Variants in BABAM2 observed in about 807,000 individuals in gnomAD.
The protein encoded by BABAM2 is BRISC and BRCA1-A complex member 2.
In BABAM2, 31 loss-of-function variants were observed where a neutral mutation model predicts 54.7. That is an observed-to-expected ratio of 0.57 (90% CI 0.43 to 0.77). The LOEUF (loss-of-function observed/expected upper bound fraction) is 0.77, where lower values mean the gene tolerates loss of function less well. Ranked by LOEUF, BABAM2 falls within the 30% of genes least tolerant of loss-of-function variation. The pLI is 0.00. For missense variants in BABAM2, 364 were observed against 455.8 expected (o/e 0.80, Z 1.83); for synonymous variants, 167 against 162.9 (o/e 1.03, Z -0.19).
At chr2:28,155,522 ACTAAGGTGACTGAG>A (rs1339131184) in intron 7 of BABAM2, among the ~76,000 whole-genome samples, 2 of 152,134 alleles carry the variant, frequency 1.3e-5, no homozygotes, top group Non-Finnish European at 2.9e-5. Flanking sequence ...TCATCTTCAT[ACTAAGGTGACTGAG>A]CTAAAAGTGC....
chr2:28,162,502 C>T (rs1230358267), intron 7 of BABAM2, among the ~76,000 whole-genome samples: 1 of 152,230 alleles, frequency 6.6e-6, no homozygotes, highest in African/African-American at 2.4e-5. Context: ...AATGAGACTA[C>T]TGTCTGGCAT....
chr2:27,997,628 A>G (rs996211915), intron 4 of BABAM2, among the ~76,000 whole-genome samples: 1 of 152,238 alleles, frequency 6.6e-6, no homozygotes, highest in Admixed American at 6.5e-5. Flanking sequence ...CAAGGCTTTA[A>G]AAGTGCAGTT....
At chr2:28,275,213 C>T (rs147234056) in intron 10 of BABAM2, among the ~76,000 whole-genome samples, 177 of 152,318 alleles carry the variant, frequency 1.2e-3, no homozygotes, top group African/African-American at 3.7e-3. Flanking sequence ...ATGAAGCCAA[C>T]GGATCTGATG....
chr2:28,300,403 A>G (rs1275271730), intron 11 of BABAM2, among the ~76,000 whole-genome samples: 2 of 152,248 alleles, frequency 1.3e-5, no homozygotes, highest in East Asian at 3.8e-4. Flanking sequence ...CATTCAGGAC[A>G]AAAACAAGCA....
chr2:28,048,749 A>G (rs561148294), intron 6 of BABAM2, among the ~76,000 whole-genome samples: 40 of 152,296 alleles, frequency 2.6e-4, no homozygotes, highest in African/African-American at 8.9e-4. Flanking sequence ...CCCCAGCATA[A>G]AGAGGAGATT....
chr2:28,117,558 C>T (rs996425793), intron 6 of BABAM2, among the ~76,000 whole-genome samples: 2 of 152,204 alleles, frequency 1.3e-5, no homozygotes, highest in Admixed American at 6.5e-5. Context: ...GGACTCTCTC[C>T]TCTCTTGCCT....
chr2:28,201,824 A>G (rs975020774), intron 7 of BABAM2, among the ~76,000 whole-genome samples: 18 of 152,172 alleles, frequency 1.2e-4, no homozygotes, highest in Non-Finnish European at 2.9e-5. Flanking sequence ...CAGGTTGCAA[A>G]ATGAAGACAA....
At chr2:27,976,078 T>C (rs1371439718) in intron 3 of BABAM2, among the ~76,000 whole-genome samples, 5 of 152,122 alleles carry the variant, frequency 3.3e-5, no homozygotes, top group African/African-American at 1.2e-4. Flanking sequence ...GGCACGAATG[T>C]GTAGAAACTG....
chr2:27,971,696 T>G (rs1671234609), intron 3 of BABAM2, among the ~76,000 whole-genome samples: 1 of 150,682 alleles, frequency 6.6e-6, no homozygotes, highest in Admixed American at 6.6e-5. Context: ...TCCCATGTGT[T>G]TTTTTTTTTC....
intron 7 of BABAM2, among the ~76,000 whole-genome samples, chr2:28,164,311 A>G (rs1673409854): frequency 6.6e-6 from 1 of 152,002 alleles, no homozygotes; most frequent in African/African-American, 2.4e-5. Context: ...AGTTGCCCCT[A>G]CACCCCCACG....
chr2:28,093,530 G>T (rs973741713), intron 6 of BABAM2, among the ~76,000 whole-genome samples: 10 of 152,132 alleles, frequency 6.6e-5, no homozygotes, highest in Non-Finnish European at 1.2e-4. Context: ...TTCCTGCATG[G>T]CCATACCCTG....
At chr2:28,234,890 A>T (rs866660907) in intron 7 of BABAM2, among the ~76,000 whole-genome samples, 4 of 152,268 alleles carry the variant, frequency 2.6e-5, no homozygotes, top group Non-Finnish European at 4.4e-5. Flanking sequence ...TTTCCTAGCC[A>T]TCTTTAGAGT....
At chr2:27,954,365 C>T (rs1241025693) in intron 3 of BABAM2, among the ~76,000 whole-genome samples, 2 of 152,226 alleles carry the variant, frequency 1.3e-5, no homozygotes, top group Non-Finnish European at 2.9e-5. Context: ...AGGAGTGCAG[C>T]AGCACTGTGA....
chr2:28,212,895 A>G (rs1285150268), intron 7 of BABAM2, among the ~76,000 whole-genome samples: 1 of 152,170 alleles, frequency 6.6e-6, no homozygotes, highest in African/African-American at 2.4e-5. Context: ...CTACAGCCCA[A>G]GAGGCTTACC....
At chr2:28,266,434 C>CTGCA (rs1334621126) in intron 10 of BABAM2, among the ~76,000 whole-genome samples, 2 of 152,260 alleles carry the variant, frequency 1.3e-5, no homozygotes, top group African/African-American at 4.8e-5. Context: ...GGCTCAGCAC[C>CTGCA]TGCAGCTTTG....
At chr2:28,147,852 C>G (rs1203270747) in intron 7 of BABAM2, among the ~76,000 whole-genome samples, 4 of 152,122 alleles carry the variant, frequency 2.6e-5, no homozygotes, top group Non-Finnish European at 4.4e-5. Flanking sequence ...TGATATGGTC[C>G]AGTGCATTCT....
At chr2:28,204,352 GCCAAGA>G (rs1678599728) in intron 7 of BABAM2, among the ~76,000 whole-genome samples, 1 of 152,108 alleles carries the variant, frequency 6.6e-6, no homozygotes, top group Non-Finnish European at 1.5e-5. Context: ...TGATGTTTAG[GCCAAGA>G]CCTCAGAGAA....
chr2:28,186,953 C>T (rs572103359), intron 7 of BABAM2, among the ~76,000 whole-genome samples: 5 of 152,098 alleles, frequency 3.3e-5, no homozygotes, highest in African/African-American at 1.2e-4. Context: ...CTACAGGCAC[C>T]CGCCAACAAG....
chr2:28,038,305 G>T (rs991525274), intron 5 of BABAM2, among the ~76,000 whole-genome samples: 12 of 152,100 alleles, frequency 7.9e-5, no homozygotes, highest in Admixed American at 3.9e-4. Context: ...ACCCTAGATG[G>T]TTCATTTCCT....
Sources: gnomAD v4.1 joint callset for allele counts (sites outside exome capture counted in the v4.1 genomes callset) on GRCh38, gnomAD v4.1.1 for gene constraint, MANE v1.5 for transcripts, NCBI Gene and HGNC (gene_info 2026-07-23, HGNC 2026-07-21) for gene names.